Variants in LILRB1 observed in about 807,000 individuals in gnomAD.
The protein encoded by LILRB1 is leukocyte immunoglobulin like receptor B1.
In LILRB1, 59 loss-of-function variants were observed where a neutral mutation model predicts 74.6. The ratio of observed to expected loss-of-function variants is 0.79; its 90% CI spans 0.64 to 0.98. LILRB1 has a LOEUF of 0.98. LILRB1 is among the 50% of genes least tolerant of loss of function. The pLI is 0.00. For missense variants in LILRB1, 804 were observed against 822.6 expected (o/e 0.98, Z 0.28); for synonymous variants, 328 against 333.9 (o/e 0.98, Z 0.19).
At chr19:54,636,048 A>C (rs2064378734) in intron 13 of LILRB1, 3 of 542,530 alleles carry the variant, frequency 5.5e-6, no homozygotes, top group South Asian at 4.6e-5. Context: ...AAATGCAAAT[A>C]AATGTGCCGC....
At position 54,632,750 on chromosome 19, in the gene LILRB1, C is replaced by A. The variant is rs764869504; in HGVS notation, c.948C>A (p.Ile316=). The A allele has an allele frequency of 1.2e-6, 2 of 1,612,112 alleles. No homozygotes were observed. Among genetic ancestry groups the A allele is most frequent in the South Asian group, 2.2e-5 (2 of 90,992 alleles). Residue 316 remains isoleucine, a synonymous_variant, in exon 6 of 15, where the codon ATC becomes ATA. Coordinates refer to ENST00000324602, the MANE Select transcript of LILRB1 (RefSeq NM_001081637.3). ...CGGCCCCCAGCGACCCCCTGGACAT[C>A]CTGATCGCAGGTGAGGAGCCCAGCG... The part of the protein sequence containing the change: ...EWSAPSDPLD[I]LIAGQFYDRV...
intron 1 of LILRB1, among the ~76,000 whole-genome samples, chr19:54,618,971 A>G (rs2146144308): frequency 6.6e-6 from 1 of 152,292 alleles, no homozygotes; most frequent in Non-Finnish European, 1.5e-5. Flanking sequence ...GTTATATTAA[A>G]TAATAGATAT....
chr19:54,617,399 CTCTT>C (rs2063334345), intron 1 of LILRB1: 1 of 152,112 alleles, frequency 6.6e-6, no homozygotes, highest in Non-Finnish European at 1.5e-5. Flanking sequence ...CCTAAGTTCT[CTCTT>C]TCTCTATTTT....
In LILRB1 at chr19:54,631,781, G is replaced by T; in HGVS notation, c.352G>T (p.Val118Leu). 6.2e-7 allele frequency: 1 copy of T among 1,614,110 alleles called. No homozygotes were observed. Among genetic ancestry groups the T allele is most frequent in the South Asian group, 1.1e-5 (1 of 91,088 alleles). The change falls in exon 4 of 15, where the codon GTG (valine) becomes TTG (leucine). Residue 118 changes from valine to leucine, a missense_variant. Physicochemically the swap from Val to Leu is conservative, Grantham distance 32. Coordinates refer to ENST00000324602, the MANE Select transcript of LILRB1 (RefSeq NM_001081637.3). ...GAGCAGTGACCCCCTGGAGCTGGTG[G>T]TGACAGGTGAGCTGACACTCAGGGG... ...SESSDPLELV[V>L]TGAYIKPTLS...
intron 1 of LILRB1, among the ~76,000 whole-genome samples, chr19:54,617,591 T>TGTGTGTGTGTGTG: frequency 7.5e-6 from 1 of 133,434 alleles, no homozygotes; most frequent in African/African-American, 2.7e-5. Flanking sequence ...GTGTGTGTGG[T>TGTGTGTGTGTGTG]GTGTGTGTGT....
At position 54,635,567 on chromosome 19, in the gene LILRB1, G is replaced by T. The variant is rs1356933516; in HGVS notation, c.1611G>T (p.Val537=). The change falls in exon 13 of 15, where the codon GTG becomes GTT. Residue 537 remains valine, a synonymous_variant. Transcript: ENST00000324602. ...DAQEENLYAA[V]KHTQPEDGVE... ...GCTCTGCCCCAGCAGATGCTGCCGT[G>T]AAGCACACACAGCCTGAGGATGGGG... 1 of 1,613,656 alleles carries T rather than the reference G, an allele frequency of 6.2e-7. No homozygotes were observed. The highest frequency in any genetic ancestry group is 1.7e-5 in the Admixed American group (1 of 60,024).
At chr19:54,616,845 G>C (rs1159917000), upstream of LILRB1, among the ~76,000 whole-genome samples, 1 of 152,166 alleles carries the variant, frequency 6.6e-6, no homozygotes, top group Non-Finnish European at 1.5e-5. Context: ...CCAAAATGTG[G>C]GAAGTGATGA....
intron 8 of LILRB1, 92 bp downstream of exon 8, chr19:54,633,780 C>T: frequency 6.7e-7 from 1 of 1,492,798 alleles, no homozygotes; most frequent in East Asian, 2.4e-5. Flanking sequence ...CTCAAAGACT[C>T]GAGCTTCCCT....
chr19:54,634,794 T>C lies in LILRB1; in HGVS notation c.1486+31T>C, dbSNP rs200446481. The stretch of plus-strand genomic sequence containing the variant: ...TAGGGAATGGGGGGACCCTGAGGGC[T>C]GACCGAGGGTGGGCTCAGGGCACAG... On this transcript the variant is annotated intron_variant, in intron 10 of 14. Coordinates refer to ENST00000324602, the MANE Select transcript of LILRB1 (RefSeq NM_001081637.3). The C allele has an allele frequency of 2.1e-3, 3,395 of 1,607,562 alleles. No homozygotes were observed. In the South Asian group the frequency reaches 0.024, roughly 11 times the overall value.
At chr19:54,630,707 G>A (rs2063760508) in intron 1 of LILRB1, 74 bp downstream of exon 1, 1 of 775,220 alleles carries the variant, frequency 1.3e-6, no homozygotes, top group South Asian at 1.4e-5. Flanking sequence ...CTGTGAGAAG[G>A]AAGGAGATGC....
chr19:54,633,372 C>A (rs1405639194), intron 7 of LILRB1, 54 bp downstream of exon 7: 5 of 1,566,258 alleles, frequency 3.2e-6, no homozygotes, highest in African/African-American at 2.8e-5. Context: ...TCAGACCCTG[C>A]CCCAGGAGAG....
rs138397996 is a variant in LILRB1, at chr19:54,638,018, G to C, written c.*1140G>C. On this transcript the variant is annotated 3_prime_UTR_variant, in exon 15 of 15. Coordinates refer to ENST00000324602, the MANE Select transcript of LILRB1 (RefSeq NM_001081637.3). ...TTGACTATAATAAAAATAATCTCGA[G>C]TTCACGAAGCTTCATTGGTGATTTC... Among the ~76,000 whole-genome samples, 290 of 152,180 alleles carry C rather than the reference G, an allele frequency of 1.9e-3. 2 individuals carry two copies. Among genetic ancestry groups the C allele is most frequent in the African/African-American group, 6.3e-3 (261 of 41,510 alleles).
chr19:54,622,708 G>A (rs752013496), intron 1 of LILRB1, among the ~76,000 whole-genome samples: 5 of 152,198 alleles, frequency 3.3e-5, no homozygotes, highest in Non-Finnish European at 5.9e-5. Flanking sequence ...CCAGTACTGT[G>A]TTGAATAGGA....
chr19:54,625,798 C>T (rs904252242), upstream of LILRB1, among the ~76,000 whole-genome samples: 5 of 151,526 alleles, frequency 3.3e-5, no homozygotes, highest in African/African-American at 1.2e-4. Context: ...TCACCCCTTC[C>T]CCGTGTTAGG....
At chr19:54,619,698 A>G (rs1464310761) in intron 1 of LILRB1, among the ~76,000 whole-genome samples, 1 of 151,980 alleles carries the variant, frequency 6.6e-6, no homozygotes, top group Non-Finnish European at 1.5e-5. Flanking sequence ...TATCCTTTAG[A>G]CCTGCTTTTT....
intron 8 of LILRB1, 46 bp downstream of exon 8, chr19:54,633,734 A>C: frequency 3.2e-6 from 5 of 1,585,876 alleles, no homozygotes; most frequent in Non-Finnish European, 4.3e-6. Flanking sequence ...GGCCTCCCCC[A>C]GGGCAGCCCT....
intron 1 of LILRB1, among the ~76,000 whole-genome samples, chr19:54,622,099 A>C (rs2063473117): frequency 6.6e-6 from 1 of 152,188 alleles, no homozygotes; most frequent in South Asian, 2.1e-4. Context: ...CTTATAGTAT[A>C]ACTTGAAATC....
In LILRB1 at chr19:54,635,262, C is replaced by T. The variant is rs373092044; in HGVS notation, c.1566C>T (p.Ser522=). Residue 522 remains serine, a synonymous_variant, in exon 12 of 15, where the codon TCC becomes TCT. Transcript: ENST00000324602. ...EPTDRGLQWR[S]SPAADAQEEN... is the part of the protein sequence containing the mutation. Reference sequence around the variant, plus strand: ...AAAGCTCCCATTCTTCCCCCAGGTCCAGCCCAGCTGCCGATGCCCAGGAAG... The same window carrying T: ...AAAGCTCCCATTCTTCCCCCAGGTCTAGCCCAGCTGCCGATGCCCAGGAAG... The T allele has an allele frequency of 2.0e-4, 318 of 1,612,286 alleles. 3 individuals carry two copies. Among genetic ancestry groups the T allele is most frequent in the Middle Eastern group, 8.2e-4 (5 of 6,072 alleles).
intron 1 of LILRB1, among the ~76,000 whole-genome samples, chr19:54,622,671 G>C (rs1451115212): frequency 1.3e-5 from 2 of 152,050 alleles, no homozygotes; most frequent in Non-Finnish European, 2.9e-5. Context: ...CTTTCTTTCT[G>C]TTGCCTGATT....
Sources: gnomAD v4.1 joint callset for allele counts (sites outside exome capture counted in the v4.1 genomes callset) on GRCh38, gnomAD v4.1.1 for gene constraint, MANE v1.5 for transcripts, NCBI Gene and HGNC (gene_info 2026-07-23, HGNC 2026-07-21) for gene names.